The following RASGRF1 variants were observed in gnomAD, a reference collection of about 807,000 sequenced individuals.
RASGRF1 encodes Ras protein specific guanine nucleotide releasing factor 1.
RASGRF1 carries 40 observed loss-of-function variants against 138.7 expected under a neutral mutation model. That is an observed-to-expected ratio of 0.29 (90% CI 0.22 to 0.38). The LOEUF (loss-of-function observed/expected upper bound fraction) is 0.38. RASGRF1 is among the 10% of genes least tolerant of loss of function. The probability of loss-of-function intolerance (pLI) is 1.00; values close to 1 mark genes in which losing one functional copy is unlikely to be tolerated. For missense variants in RASGRF1, 1,108 were observed against 1,650.4 expected (o/e 0.67, Z 5.69); for synonymous variants, 614 against 663.2 (o/e 0.93, Z 1.14).
At chr15:79,031,164 C>CACTGTG (rs1466098626) in intron 8 of RASGRF1, among the ~76,000 whole-genome samples, 4 of 152,204 alleles carry the variant, frequency 2.6e-5, no homozygotes. Context: ...CTCCCTCGGG[C>CACTGTG]CCTATCTGTG....
At chr15:79,043,179 T>C (rs76729810) in intron 5 of RASGRF1, among the ~76,000 whole-genome samples, 1,609 of 152,336 alleles carry the variant, frequency 0.011, 27 homozygotes, top group African/African-American at 0.037. Flanking sequence ...TGATTTTCAA[T>C]GTTGAACCAG....
intron 23 of RASGRF1, chr15:78,980,989 TG>T (rs2141623742): frequency 3.5e-6 from 1 of 283,732 alleles, no homozygotes; most frequent in African/African-American, 2.1e-5. Context: ...TCCCGAGACC[TG>T]GGCAGTTTAG....
intron 8 of RASGRF1, among the ~76,000 whole-genome samples, chr15:79,031,050 G>C (rs1486052183): frequency 1.3e-5 from 2 of 152,192 alleles, no homozygotes; most frequent in Admixed American, 1.3e-4. Flanking sequence ...ACCCCCTCTG[G>C]GCCTCCTATG....
In RASGRF1 at chr15:79,003,799, C is replaced by T; in HGVS notation, c.2449+3G>A. 1 of 1,583,148 alleles carries T rather than the reference C, an allele frequency of 6.3e-7. No individual in the cohort carries two copies. The highest frequency in any genetic ancestry group is 8.6e-7 in the Non-Finnish European group (1 of 1,163,424). On this transcript the variant is annotated splice_donor_region_variant and intron_variant, in intron 15 of 26. Transcript: ENST00000558480. ...GGGCAGCTCCGACGGCATGGCCACT[C>T]ACTCTGCTTGCTGAGCGCTGAAGGG...
At chr15:79,071,059 G>T (rs1735351907) in intron 1 of RASGRF1, among the ~76,000 whole-genome samples, 1 of 152,202 alleles carries the variant, frequency 6.6e-6, no homozygotes, top group Non-Finnish European at 1.5e-5. Flanking sequence ...CCTCAGGCTG[G>T]GCTGCCGATG....
chr15:79,043,584 A>G (rs1324099928), intron 5 of RASGRF1, among the ~76,000 whole-genome samples: 1 of 152,006 alleles, frequency 6.6e-6, no homozygotes, highest in Non-Finnish European at 1.5e-5. Flanking sequence ...GGCTGCTGCT[A>G]TTTTTTCCTG....
Position 79,027,774 on chromosome 15 carries a change from G to A in RASGRF1, c.1348C>T (p.Leu450Phe). Reference sequence around the variant, plus strand: ...ACAAAGGTCTGGCTGGTGTCCAGGAGGATCTCACAGCCTTCGATGATCATG... The same window carrying A: ...ACAAAGGTCTGGCTGGTGTCCAGGAAGATCTCACAGCCTTCGATGATCATG... ...ERMIIEGCEI[L>F]LDTSQTFVRQ... is the part of the protein sequence containing the mutation. Residue 450 changes from leucine to phenylalanine, a missense_variant, in exon 9 of 27, where the codon CTC becomes TTC. Leu to Phe is a conservative substitution (Grantham distance 22). This residue lies in a region of RASGRF1 where 169 missense variants were observed against 344.2 expected (regional missense o/e 0.49). Transcript: ENST00000558480. This position sits in a 1 kb window ranked among gnomAD's most constrained non-coding sequence, Gnocchi z 4.8. 1 of 1,614,244 alleles carries A rather than the reference G, an allele frequency of 6.2e-7. No individual in the cohort carries two copies. The highest frequency in any genetic ancestry group is 8.5e-7 in the Non-Finnish European group (1 of 1,180,046).
intron 8 of RASGRF1, among the ~76,000 whole-genome samples, chr15:79,029,379 C>A (rs1196692370): frequency 1.3e-5 from 2 of 152,194 alleles, no homozygotes; most frequent in African/African-American, 2.4e-5. Context: ...GCGGGGGAAG[C>A]CTGTGTTTGG....
intron 5 of RASGRF1, among the ~76,000 whole-genome samples, chr15:79,042,602 C>T (rs1158396394): frequency 6.6e-6 from 1 of 152,228 alleles, no homozygotes; most frequent in Admixed American, 6.5e-5. Flanking sequence ...CATTATTTAA[C>T]AAGGCAGCAG....
At chr15:79,047,483 C>T (rs1214414447) in intron 4 of RASGRF1, among the ~76,000 whole-genome samples, 2 of 152,160 alleles carry the variant, frequency 1.3e-5, no homozygotes, top group African/African-American at 2.4e-5. Flanking sequence ...TAATGACTTG[C>T]CTGAGAGCCC....
intron 3 of RASGRF1, among the ~76,000 whole-genome samples, chr15:79,055,347 C>T (rs1326362652): frequency 6.6e-6 from 1 of 151,898 alleles, no homozygotes; most frequent in Non-Finnish European, 1.5e-5. Context: ...ACCTGCAGGA[C>T]GTGTTTGTGC....
chr15:79,072,581 T>C (rs2057776788), intron 1 of RASGRF1, among the ~76,000 whole-genome samples: 1 of 151,974 alleles, frequency 6.6e-6, no homozygotes, highest in Admixed American at 6.6e-5. Context: ...GGCCAATAAA[T>C]AATCTTAATA....
At chr15:78,988,417 A>G (rs2056204557) in intron 22 of RASGRF1, among the ~76,000 whole-genome samples, 1 of 152,136 alleles carries the variant, frequency 6.6e-6, no homozygotes. Flanking sequence ...ATGTTTCCCG[A>G]GGCTTGGTCT....
intron 13 of RASGRF1, among the ~76,000 whole-genome samples, chr15:79,009,478 C>T (rs1339097478): frequency 6.6e-6 from 1 of 152,092 alleles, no homozygotes. Context: ...AGGGAGAGTA[C>T]AGCTACTCCC....
intron 8 of RASGRF1, among the ~76,000 whole-genome samples, 186 bp from the exon 9 acceptor site, chr15:79,028,045 A>G (rs557995712): frequency 5.9e-5 from 9 of 152,212 alleles, no homozygotes; most frequent in Non-Finnish European, 1.3e-4. Flanking sequence ...CGGGCACTTC[A>G]TAGGCACGAC....
chr15:78,978,942 C>T, intron 24 of RASGRF1: 1 of 1,283,138 alleles, frequency 7.8e-7, no homozygotes, highest in Admixed American at 2.3e-5. Context: ...GCCCACAGGC[C>T]ACCTGAAAGA....
chr15:79,061,551 C>G (rs1485577050), intron 2 of RASGRF1, among the ~76,000 whole-genome samples: 2 of 151,888 alleles, frequency 1.3e-5, no homozygotes, highest in Non-Finnish European at 2.9e-5. Context: ...TCCATCACCC[C>G]AGGAAGTTCC....
chr15:78,978,724 T>C, intron 24 of RASGRF1: 2 of 1,091,556 alleles, frequency 1.8e-6, no homozygotes, highest in East Asian at 6.7e-5. Context: ...AACACCGCTC[T>C]TTGTGAAAAC....
At chr15:79,001,172 C>G (rs1426315280) in intron 16 of RASGRF1, among the ~76,000 whole-genome samples, 1 of 152,174 alleles carries the variant, frequency 6.6e-6, no homozygotes, top group East Asian at 1.9e-4. Context: ...AACACCTAGC[C>G]TTTTTGCAAA....
Sources: allele counts gnomAD v4.1 joint callset (sites outside exome capture counted in the v4.1 genomes callset), GRCh38; gene constraint gnomAD v4.1.1; regional missense constraint gnomAD v4.1.1; non-coding constraint Gnocchi (gnomAD v3.1); transcripts MANE v1.5; gene names NCBI Gene and HGNC (gene_info 2026-07-23, HGNC 2026-07-21).